The following UBE2H variants were observed in gnomAD, a reference collection of about 807,000 sequenced individuals.
The protein encoded by UBE2H is ubiquitin-conjugating enzyme E2 H.
Under a neutral mutation model 29.0 loss-of-function variants are expected in UBE2H, and 3 were observed. The observed-to-expected ratio is 0.10, with a 90% CI of 0.05 to 0.27. UBE2H has a LOEUF of 0.27. Ranked by LOEUF, UBE2H falls within the 10% of genes least tolerant of loss-of-function variation. UBE2H has a pLI of 1.00. For missense variants in UBE2H, 68 were observed against 228.2 expected, an observed-to-expected ratio of 0.30 and a Z score of 4.52; for synonymous variants, 69 against 82.9, an observed-to-expected ratio of 0.83 and a Z score of 0.91.
chr7:129,933,329 A>T (rs1197364444), intron 1 of UBE2H, among the ~76,000 whole-genome samples: 2 of 152,216 alleles, frequency 1.3e-5, no homozygotes, highest in African/African-American at 4.8e-5. Context: ...CCCTTTTAGA[A>T]CTTCTAAATT....
chr7:129,894,911 C>T (rs2116407490), intron 1 of UBE2H, among the ~76,000 whole-genome samples: 1 of 152,210 alleles, frequency 6.6e-6, no homozygotes, highest in South Asian at 2.1e-4. Flanking sequence ...AATCTGCAAA[C>T]TTGGACTGAA....
Position 129,841,855 on chromosome 7 carries a change from T to C in UBE2H, c.299-2520A>G, listed in dbSNP as rs893912373. 9.2e-5 allele frequency among the ~76,000 whole-genome samples: 14 copies of C among 152,206 alleles called. 1 individual carries two copies. The highest frequency in any genetic ancestry group is 2.9e-4 in the African/African-American group (12 of 41,446). On this transcript the variant is annotated intron_variant, in intron 5 of 6. Transcript: ENST00000355621. ...AAGCAAAACAAAAATCACCTTCCTA[T>C]ATAACCCCCAAACTATCTGCAGTAA... is the stretch of plus-strand genomic sequence containing the variant.
intron 1 of UBE2H, among the ~76,000 whole-genome samples, chr7:129,884,125 T>G (rs1196933334): frequency 1.3e-5 from 2 of 151,402 alleles, no homozygotes; most frequent in African/African-American, 4.9e-5. Flanking sequence ...TAATAAAAAT[T>G]TCTGTACTTT....
At chr7:129,943,580 T>C (rs1807691414) in intron 1 of UBE2H, among the ~76,000 whole-genome samples, 1 of 151,918 alleles carries the variant, frequency 6.6e-6, no homozygotes, top group South Asian at 2.1e-4. Flanking sequence ...CCAGACTCCG[T>C]CTAAAAACAC....
At chr7:129,934,985 A>G (rs1584796283) in intron 1 of UBE2H, among the ~76,000 whole-genome samples, 1 of 151,000 alleles carries the variant, frequency 6.6e-6, no homozygotes, top group Non-Finnish European at 1.5e-5. Context: ...ATGTGTGTGT[A>G]TATATATGTG....
intron 1 of UBE2H, among the ~76,000 whole-genome samples, chr7:129,903,389 G>C (rs1409960348): frequency 6.6e-6 from 1 of 152,158 alleles, no homozygotes; most frequent in East Asian, 1.9e-4. Flanking sequence ...TTTATTCCAG[G>C]CTCCTGAGGG....
chr7:129,848,750 T>G (rs780900311), intron 5 of UBE2H, among the ~76,000 whole-genome samples: 1 of 151,566 alleles, frequency 6.6e-6, no homozygotes, highest in Non-Finnish European at 1.5e-5. Context: ...GTGCCCAAAA[T>G]AAAGCCAACC....
intron 1 of UBE2H, among the ~76,000 whole-genome samples, chr7:129,892,200 C>T (rs1409815393): frequency 1.3e-5 from 2 of 151,984 alleles, no homozygotes; most frequent in Non-Finnish European, 2.9e-5. Context: ...CCGCCCGCCT[C>T]GGCCTCCCAA....
intron 1 of UBE2H, among the ~76,000 whole-genome samples, chr7:129,934,758 T>G (rs1023320346): frequency 6.9e-6 from 1 of 144,872 alleles, no homozygotes; most frequent in African/African-American, 2.6e-5. Flanking sequence ...GGAAAATATA[T>G]ATAAAAAAAT....
At position 129,891,340 on chromosome 7, in the gene UBE2H, C is replaced by T. The variant is rs558679634; in HGVS notation, c.54-10369G>A. Among the ~76,000 whole-genome samples, 434 of 151,958 alleles carry T rather than the reference C, an allele frequency of 2.9e-3. 1 individual carries two copies. The highest frequency in any genetic ancestry group is 5.2e-3 in the Non-Finnish European group (352 of 67,992). On this transcript the variant is annotated intron_variant, in intron 1 of 6. Coordinates refer to ENST00000355621, the MANE Select transcript of UBE2H (RefSeq NM_003344.4). ...AGCTGGGATTACAGGCATGCGCCACCGCACCTGGCTAAATCTGAGCCTGTT... is the reference window on the plus strand; with the variant it reads ...AGCTGGGATTACAGGCATGCGCCACTGCACCTGGCTAAATCTGAGCCTGTT...
chr7:129,847,759 T>TAC (rs1323809637), intron 5 of UBE2H, among the ~76,000 whole-genome samples: 12 of 152,230 alleles, frequency 7.9e-5, no homozygotes, highest in Admixed American at 2.0e-4. Context: ...TATCAAACTT[T>TAC]ACATGTCTAA....
At chr7:129,940,477 C>T (rs1483092578) in intron 1 of UBE2H, among the ~76,000 whole-genome samples, 1 of 152,148 alleles carries the variant, frequency 6.6e-6, no homozygotes, top group Non-Finnish European at 1.5e-5. Flanking sequence ...GCAAAGTCTT[C>T]CAGAGAATGG....
At chr7:129,942,304 G>A (rs1244486143) in intron 1 of UBE2H, among the ~76,000 whole-genome samples, 1 of 150,652 alleles carries the variant, frequency 6.6e-6, no homozygotes, top group Non-Finnish European at 1.5e-5. Flanking sequence ...GGAGGCCAAG[G>A]CAGGGGGATC....
At chr7:129,868,586 CAAAAAAA>C (rs11356893) in intron 3 of UBE2H, among the ~76,000 whole-genome samples, 7 of 69,520 alleles carry the variant, frequency 1.0e-4, no homozygotes, top group African/African-American at 2.4e-4. Context: ...GACTCCGTCT[CAAAAAAA>C]AAAAAAAAAA....
At chr7:129,838,856 C>G (rs1263307949) in intron 6 of UBE2H, among the ~76,000 whole-genome samples, 1 of 152,174 alleles carries the variant, frequency 6.6e-6, no homozygotes, top group African/African-American at 2.4e-5. Context: ...CCAGGCTGGT[C>G]TCGATCTCCT....
intron 5 of UBE2H, among the ~76,000 whole-genome samples, chr7:129,854,060 G>GGT (rs1554430936): frequency 1.0e-5 from 1 of 100,312 alleles, no homozygotes; most frequent in Non-Finnish European, 2.0e-5. Flanking sequence ...TTTAGTGTTA[G>GGT]TTTTTTTTTT....
rs1462301377 is a variant in UBE2H at position 129,901,541 on chromosome 7, T to A, written c.54-20570A>T. ...TTCAACGAGATTTTGAAGAACTGGA[T>A]GACTAACTGTATATGAGGGAGAAGA... On this transcript the variant is annotated intron_variant, in intron 1 of 6. Coordinates refer to ENST00000355621, the MANE Select transcript of UBE2H (RefSeq NM_003344.4). Among the ~76,000 whole-genome samples the A allele has an allele frequency of 5.3e-5, 8 of 152,284 alleles. 3 individuals are homozygous for A. The highest frequency in any genetic ancestry group is 5.2e-4 in the Admixed American group (8 of 15,286).
At chr7:129,929,690 A>C (rs1807347976) in intron 1 of UBE2H, among the ~76,000 whole-genome samples, 1 of 152,184 alleles carries the variant, frequency 6.6e-6, no homozygotes, top group African/African-American at 2.4e-5. Context: ...TTACTGAATA[A>C]TTCTATCCAG....
intron 1 of UBE2H, among the ~76,000 whole-genome samples, chr7:129,936,194 A>G (rs921877535): frequency 1.3e-5 from 2 of 152,250 alleles, no homozygotes; most frequent in African/African-American, 4.8e-5. Flanking sequence ...TAAAACTGCC[A>G]GAACTGGCAG....
Sources: gnomAD v4.1 joint callset for allele counts (sites outside exome capture counted in the v4.1 genomes callset) on GRCh38, gnomAD v4.1.1 for gene constraint, MANE v1.5 for transcripts, NCBI Gene and HGNC (gene_info 2026-07-23, HGNC 2026-07-21) for gene names.